SVEP1: variants seen among roughly 807,000 people sequenced by gnomAD.
SVEP1 encodes sushi, von Willebrand factor type A, EGF and pentraxin domain-containing protein 1.
SVEP1 carries 164 observed loss-of-function variants against 367.3 expected under a neutral mutation model. The ratio of observed to expected loss-of-function variants is 0.45; its 90% CI spans 0.39 to 0.51. The LOEUF (loss-of-function observed/expected upper bound fraction) is 0.51. Ranked by LOEUF, SVEP1 falls within the 20% of genes least tolerant of loss-of-function variation. SVEP1 has a pLI of 0.00. For synonymous variants in SVEP1, 1,666 were observed against 1,611.6 expected, an observed-to-expected ratio of 1.03 and a Z score of -0.81; for missense variants, 4,117 against 4,425.3, an observed-to-expected ratio of 0.93 and a Z score of 1.98.
intron 40 of SVEP1, among the ~76,000 whole-genome samples, chr9:110,397,930 T>C (rs12682707): frequency 2.0e-5 from 3 of 150,996 alleles, no homozygotes; most frequent in Non-Finnish European, 4.4e-5. Context: ...AGGTAATTTA[T>C]AGATTCAATG....
At chr9:110,496,967 ACT>A (rs753346196) in intron 7 of SVEP1, 34 bp from the exon 8 acceptor site, 591 of 1,354,000 alleles carry the variant, frequency 4.4e-4, no homozygotes, top group Non-Finnish European at 5.7e-4. Context: ...AGATTAATAC[ACT>A]GATATGTGGT....
At chr9:110,393,017 AGTGATTCTAAC>A (rs1827688282) in intron 40 of SVEP1, among the ~76,000 whole-genome samples, 1 of 152,198 alleles carries the variant, frequency 6.6e-6, no homozygotes, top group Non-Finnish European at 1.5e-5. Context: ...AACTTTCTCA[AGTGATTCTAAC>A]ATGTATAATA....
At chr9:110,552,376 G>T (rs1308504046) in intron 1 of SVEP1, among the ~76,000 whole-genome samples, 4 of 152,088 alleles carry the variant, frequency 2.6e-5, no homozygotes, top group Non-Finnish European at 4.4e-5. Flanking sequence ...TTGGCACCTG[G>T]GACCAGTTTC....
chr9:110,566,146 C>T (rs1484740632), intron 1 of SVEP1, among the ~76,000 whole-genome samples: 2 of 151,238 alleles, frequency 1.3e-5, no homozygotes, highest in African/African-American at 4.9e-5. Context: ...GGCAAAACCA[C>T]ATCTCTACAA....
intron 35 of SVEP1, among the ~76,000 whole-genome samples, chr9:110,428,014 T>C (rs1477614750): frequency 6.6e-6 from 1 of 152,166 alleles, no homozygotes. Context: ...TGAATCTGCT[T>C]ATGGGCAGTG....
chr9:110,477,516 T>C (rs958290746), intron 13 of SVEP1, among the ~76,000 whole-genome samples: 6 of 152,162 alleles, frequency 3.9e-5, no homozygotes, highest in Non-Finnish European at 8.8e-5. Flanking sequence ...TCTTAGAAAA[T>C]TATTTTACAC....
At chr9:110,562,698 T>C (rs1294102785) in intron 1 of SVEP1, among the ~76,000 whole-genome samples, 3 of 152,120 alleles carry the variant, frequency 2.0e-5, no homozygotes, top group Non-Finnish European at 4.4e-5. Context: ...ATTATTATTA[T>C]TATTTTTGAG....
At chr9:110,571,522 A>G (rs2118884318) in intron 1 of SVEP1, among the ~76,000 whole-genome samples, 1 of 152,326 alleles carries the variant, frequency 6.6e-6, no homozygotes, top group African/African-American at 2.4e-5. Context: ...AGAGCTGAAA[A>G]GAGGGAACTA....
At chr9:110,488,499 A>G (rs1366899135) in intron 9 of SVEP1, among the ~76,000 whole-genome samples, 1 of 152,148 alleles carries the variant, frequency 6.6e-6, no homozygotes, top group East Asian at 1.9e-4. Context: ...GGGAAAAAAA[A>G]GACGGGAAAG....
At chr9:110,537,765 G>A (rs1007118305) in intron 3 of SVEP1, among the ~76,000 whole-genome samples, 1 of 151,614 alleles carries the variant, frequency 6.6e-6, no homozygotes, top group African/African-American at 2.4e-5. Context: ...ACAGTATTAT[G>A]AATTACCATC....
intron 40 of SVEP1, among the ~76,000 whole-genome samples, chr9:110,395,292 A>T (rs1253991770): frequency 6.6e-6 from 1 of 152,180 alleles, no homozygotes; most frequent in East Asian, 1.9e-4. Context: ...CTTTACAGAC[A>T]AGCAAATGCT....
intron 3 of SVEP1, among the ~76,000 whole-genome samples, chr9:110,528,156 G>GTGTGTATATATATATATA: frequency 0.011 from 356 of 33,856 alleles, 9 homozygotes; most frequent in Non-Finnish European, 0.014. Flanking sequence ...GTGTGTGTGT[G>GTGTGTATATATATATATA]TATATATATA....
rs540232291 is a variant in SVEP1 at position 110,565,727 on chromosome 9, C to T, written c.531+13286G>A. 6.1e-4 allele frequency among the ~76,000 whole-genome samples: 93 copies of T among 152,164 alleles called. 1 individual carries two copies. Among genetic ancestry groups the T allele is most frequent in the African/African-American group, 2.1e-3 (86 of 41,538 alleles). ...TCCCCTTCTCTTAGTCCTGTATCTG[C>T]TCCAACCTGCCTTCCGCTTGGTCAT... is the stretch of plus-strand genomic sequence containing the variant. On this transcript the variant is annotated intron_variant, in intron 1 of 47. Coordinates refer to ENST00000374469, the MANE Select transcript of SVEP1 (RefSeq NM_153366.4).
At chr9:110,534,343 G>A (rs868183901) in intron 3 of SVEP1, among the ~76,000 whole-genome samples, 2 of 152,156 alleles carry the variant, frequency 1.3e-5, no homozygotes, top group African/African-American at 4.8e-5. Context: ...CTATGTTCCT[G>A]CAAAGGACAT....
intron 2 of SVEP1, 54 bp from the exon 3 acceptor site, chr9:110,546,345 CA>C (rs1830220974): frequency 6.6e-7 from 1 of 1,514,126 alleles, no homozygotes; most frequent in East Asian, 2.4e-5. Context: ...TTCAATGTTA[CA>C]TTCTCTGGTC....
At chr9:110,458,224 C>T in intron 20 of SVEP1, 1 of 593,594 alleles carries the variant, frequency 1.7e-6, no homozygotes, top group East Asian at 3.1e-5. Context: ...CCCCCTGGAT[C>T]TACTCATTCT....
At chr9:110,425,927 T>A (rs1340176676) in intron 36 of SVEP1, among the ~76,000 whole-genome samples, 1 of 152,238 alleles carries the variant, frequency 6.6e-6, no homozygotes, top group Non-Finnish European at 1.5e-5. Flanking sequence ...GTTTTCTAGT[T>A]GTATATGGTG....
Position 110,407,889 on chromosome 9 carries a change from C to G in SVEP1, c.7711G>C (p.Asp2571His), listed in dbSNP as rs775059561. 5.6e-6 allele frequency: 9 copies of G among 1,614,022 alleles called. No homozygotes were observed. The highest frequency in any genetic ancestry group is 1.7e-5 in the Admixed American group (1 of 60,016). Residue 2571 changes from aspartate to histidine, a missense_variant, in exon 38 of 48, where the codon GAT becomes CAT. Around this residue, in one of 4 missense-constraint regions of SVEP1, gnomAD observed 1,765 missense variants for 1,781.1 expected, o/e 0.99. Coordinates refer to ENST00000374469, the MANE Select transcript of SVEP1 (RefSeq NM_153366.4). ...ATGATTATGGCACCATAGCTGTAAT[C>G]TGCACCTTCTACAAAACCATTTTCA... Reference protein sequence around the residue: ...PIENGFVEGADYSYGAIIIYS... With the variant: ...PIENGFVEGAHYSYGAIIIYS...
At chr9:110,458,859 G>GA (rs1413710746) in intron 19 of SVEP1, 93 bp downstream of exon 19, 11 of 1,467,310 alleles carry the variant, frequency 7.5e-6, no homozygotes, top group Non-Finnish European at 4.6e-6. Flanking sequence ...CAAATCCACC[G>GA]AAAATAGTAA....
Sources: allele counts gnomAD v4.1 joint callset (sites outside exome capture counted in the v4.1 genomes callset), GRCh38; gene constraint gnomAD v4.1.1; regional missense constraint gnomAD v4.1.1; transcripts MANE v1.5; gene names NCBI Gene and HGNC (gene_info 2026-07-23, HGNC 2026-07-21).